DGKE: variants seen among roughly 807,000 people sequenced by gnomAD.
DGKE encodes DAG kinase epsilon.
In DGKE, 53 loss-of-function variants were observed where a neutral mutation model predicts 70.0. The ratio of observed to expected loss-of-function variants is 0.76; its 90% CI spans 0.61 to 0.95. The LOEUF (loss-of-function observed/expected upper bound fraction) is 0.95, where lower values mean the gene tolerates loss of function less well. DGKE is among the 40% of genes least tolerant of loss of function. The probability of loss-of-function intolerance (pLI) is 0.00; values close to 1 mark genes in which losing one functional copy is unlikely to be tolerated. For synonymous variants in DGKE, 291 were observed against 257.0 expected, an observed-to-expected ratio of 1.13 and a Z score of -1.27; for missense variants, 655 against 706.9, an observed-to-expected ratio of 0.93 and a Z score of 0.83.
chr17:56,834,646 A>T (rs1906446153), intron 1 of DGKE, 132 bp from the exon 2 acceptor site: 2 of 838,612 alleles, frequency 2.4e-6, no homozygotes, highest in Non-Finnish European at 3.7e-6. Flanking sequence ...CGGGGGGACG[A>T]GGCGCAGTCC....
chr17:56,866,901 T>C lies in DGKE; in HGVS notation c.*4110T>C, dbSNP rs1454449661. The C allele has an allele frequency of 1.3e-5, 2 of 152,266 alleles. No individual in the cohort carries two copies. The highest frequency in any genetic ancestry group is 4.8e-5 in the African/African-American group (2 of 41,478). The allele number at this position is 152,266 out of a possible 1,614,324, so 9.4% of individuals were successfully genotyped here. A position where few individuals can be genotyped will look rare whatever the true frequency, so the allele number is the denominator to read the frequency against. Reference sequence around the variant, plus strand: ...AATTGATTTTCTACTAATTTTTACATATTCAGAAACTTCGTGTTTTTTTGG... The same window carrying C: ...AATTGATTTTCTACTAATTTTTACACATTCAGAAACTTCGTGTTTTTTTGG... On this transcript the variant is annotated 3_prime_UTR_variant, in exon 12 of 12. Transcript: ENST00000284061.
chr17:56,849,301 G>A (rs1907507546), intron 7 of DGKE, 69 bp downstream of exon 7: 5 of 1,390,490 alleles, frequency 3.6e-6, no homozygotes, highest in Non-Finnish European at 4.0e-6. Context: ...CTCTGTGGTG[G>A]GATACAGAGA....
In DGKE at chr17:56,862,765, C is replaced by T. The variant is rs561594713; in HGVS notation, c.1678C>T (p.Gln560Ter). 1.3e-6 allele frequency: 2 copies of T among 1,585,522 alleles called. No homozygotes were observed. Among genetic ancestry groups the T allele is most frequent in the African/African-American group, 1.4e-5 (1 of 73,252 alleles). Residue 560 changes from glutamine (Q) to a stop codon, truncating the protein, a stop_gained, in exon 12 of 12, where the codon CAA becomes TAA. Transcript: ENST00000284061. LOFTEE classifies it high-confidence loss of function. ...TDDDISSTSDQEDIKATE is the reference protein window; with the variant it reads ...TDDDISSTSD ...TGATGACATCTCTAGTACTTCGGAT[C>T]AAGAAGATATAAAGGCGACTGAATA...
rs140318687 is a variant in DGKE, at chr17:56,852,224, C to A, written c.1098+2992C>A. 2.5e-3 allele frequency among the ~76,000 whole-genome samples: 376 copies of A among 152,112 alleles called. 2 individuals carry two copies. Among genetic ancestry groups the A allele is most frequent in the African/African-American group, 8.9e-3 (368 of 41,490 alleles). ...GGTCAGGTGTTCGAGACCAGTCTGGCCAACATGGTGAAACCCCATCTCTAA... is the reference window on the plus strand; with the variant it reads ...GGTCAGGTGTTCGAGACCAGTCTGGACAACATGGTGAAACCCCATCTCTAA... On this transcript the variant is annotated intron_variant, in intron 7 of 11. Transcript: ENST00000284061.
At chr17:56,849,154 C>T (rs1391169211) in intron 6 of DGKE, 27 bp from the exon 7 acceptor site, 3 of 1,592,648 alleles carry the variant, frequency 1.9e-6, no homozygotes, top group Non-Finnish European at 2.6e-6. Context: ...GTAAAACGTG[C>T]TGTTTTTTTT....
intron 2 of DGKE, among the ~76,000 whole-genome samples, chr17:56,843,673 C>A (rs921098591): frequency 2.6e-5 from 4 of 151,768 alleles, no homozygotes; most frequent in South Asian, 4.2e-4. Context: ...GTAGCACGAA[C>A]TTGTAATCCC....
chr17:56,853,154 A>T (rs895823906), intron 7 of DGKE, among the ~76,000 whole-genome samples: 4 of 152,128 alleles, frequency 2.6e-5, no homozygotes, highest in Non-Finnish European at 5.9e-5. Flanking sequence ...ATTGGTTGTT[A>T]TTGAGTAACT....
At chr17:56,861,101 A>G (rs974152434) in intron 9 of DGKE, among the ~76,000 whole-genome samples, 1 of 152,230 alleles carries the variant, frequency 6.6e-6, no homozygotes, top group Non-Finnish European at 1.5e-5. Flanking sequence ...AAGAGAGAGA[A>G]AGACATAGAA....
Position 56,835,149 on chromosome 17 carries a change from G to A in DGKE, c.354G>A (p.Lys118=), listed in dbSNP as rs772683069. The change falls in exon 2 of 12, where the codon AAG becomes AAA. Residue 118 remains lysine (K), a synonymous_variant. Transcript: ENST00000284061. ...CKEIMLKNDT[K]VLDAMPHHWI... ...AGATTATGCTCAAGAATGACACCAA[G>A]GTCCTGGACGCCATGCCCCACCACT... is the stretch of plus-strand genomic sequence containing the variant. 6 of 1,613,968 alleles carry A rather than the reference G, an allele frequency of 3.7e-6. No individual in the cohort carries two copies. Among genetic ancestry groups the A allele is most frequent in the Non-Finnish European group, 5.1e-6 (6 of 1,180,054 alleles).
intron 4 of DGKE, 181 bp downstream of exon 4, chr17:56,845,990 C>G (rs1248438844): frequency 4.1e-6 from 2 of 483,544 alleles, no homozygotes; most frequent in Non-Finnish European, 6.6e-6. Flanking sequence ...GGTACAACCT[C>G]TTTAGAAGAC....
At position 56,863,908 on chromosome 17, in the gene DGKE, A is replaced by G. The variant is rs970544405; in HGVS notation, c.*1117A>G. 3 of 152,236 alleles carry G rather than the reference A, an allele frequency of 2.0e-5. No homozygotes were observed. The highest frequency in any genetic ancestry group is 7.2e-5 in the African/African-American group (3 of 41,460). The allele number at this position is 152,236 out of a possible 1,614,324, so 9.4% of individuals were successfully genotyped here. ...TTAAATTGATCACATAAATTCTGCT[A>G]GTCACAATCAGATAGAAATTTAGTC... On this transcript the variant is annotated 3_prime_UTR_variant, in exon 12 of 12. Coordinates refer to ENST00000284061, the MANE Select transcript of DGKE (RefSeq NM_003647.3).
intron 2 of DGKE, chr17:56,838,697 A>T (rs1276906097): frequency 6.6e-6 from 1 of 152,118 alleles, no homozygotes; most frequent in African/African-American, 2.4e-5. Flanking sequence ...TTTTCTATAA[A>T]TACTACTGCA....
At chr17:56,840,845 A>C (rs985537371) in intron 2 of DGKE, among the ~76,000 whole-genome samples, 3 of 152,222 alleles carry the variant, frequency 2.0e-5, no homozygotes, top group African/African-American at 7.2e-5. Context: ...ACTTCAAAGC[A>C]TAACAGCATT....
At chr17:56,852,450 T>G (rs941737075) in intron 7 of DGKE, among the ~76,000 whole-genome samples, 10 of 152,000 alleles carry the variant, frequency 6.6e-5, no homozygotes, top group Non-Finnish European at 4.4e-5. Context: ...TCTGATTATG[T>G]TATTTAGAAA....
At position 56,834,955 on chromosome 17, in the gene DGKE, A is replaced by G. The variant is rs1906491454; in HGVS notation, c.160A>G (p.Ile54Val). The part of the protein sequence containing the change: ...RSRRQLHRRD[I>V]FRKSKHGWRD... ...GCGCCGGCAGCTGCACCGCAGGGAC[A>G]TCTTCCGCAAGAGCAAGCACGGGTG... The change falls in exon 2 of 12, where the codon ATC becomes GTC. Residue 54 changes from isoleucine to valine, a missense_variant. Transcript: ENST00000284061. The G allele has an allele frequency of 1.2e-6, 2 of 1,613,214 alleles. No homozygotes were observed. Among genetic ancestry groups the G allele is most frequent in the Non-Finnish European group, 1.7e-6 (2 of 1,179,962 alleles).
Position 56,862,839 on chromosome 17 carries a change from T to C in DGKE, c.*48T>C, listed in dbSNP as rs372684580. The C allele has an allele frequency of 2.9e-6, 4 of 1,394,440 alleles. No individual in the cohort carries two copies. Among genetic ancestry groups the C allele is most frequent in the African/African-American group, 3.0e-5 (2 of 67,388 alleles). The allele number at this position is 1,394,440 out of a possible 1,614,324, so 86.4% of individuals were successfully genotyped here. A position where few individuals can be genotyped will look rare whatever the true frequency, so the allele number is the denominator to read the frequency against. ...TGCATAGAATCCTCACGCAAGTAGA[T>C]ACATGTTCATCCAAAAGTATTAATA... On this transcript the variant is annotated 3_prime_UTR_variant, in exon 12 of 12. Transcript: ENST00000284061.
Position 56,834,937 on chromosome 17 carries a change from C to T in DGKE, c.142C>T (p.Gln48Ter), listed in dbSNP as rs773132460. Reference sequence around the variant, plus strand: ...GTGTAGCCTCCAGCGGTCGCGCCGGCAGCTGCACCGCAGGGACATCTTCCG... The same window carrying T: ...GTGTAGCCTCCAGCGGTCGCGCCGGTAGCTGCACCGCAGGGACATCTTCCG... The part of the protein sequence containing the change: ...FWCSLQRSRR[Q>*]LHRRDIFRKS... The change falls in exon 2 of 12, where the codon CAG becomes TAG. Residue 48 changes from glutamine (Q) to a stop codon, truncating the protein, a stop_gained. Coordinates refer to ENST00000284061, the MANE Select transcript of DGKE (RefSeq NM_003647.3). LOFTEE classifies it high-confidence loss of function. 1.9e-6 allele frequency: 3 copies of T among 1,613,394 alleles called. No homozygotes were observed. Among genetic ancestry groups the T allele is most frequent in the East Asian group, 2.2e-5 (1 of 44,854 alleles).
At position 56,856,538 on chromosome 17, in the gene DGKE, T is replaced by C. The variant is rs958230923; in HGVS notation, c.1125T>C (p.Ser375=). 1 of 1,613,624 alleles carries C rather than the reference T, an allele frequency of 6.2e-7. No homozygotes were observed. Among genetic ancestry groups the C allele is most frequent in the Non-Finnish European group, 8.5e-7 (1 of 1,179,882 alleles). ...PKEFTMNNYF[S]VGPDALMALN... ...AATTCACAATGAACAACTATTTTTC[T>C]GTTGGACCTGATGCTCTCATGGCTC... The change falls in exon 8 of 12, where the codon TCT becomes TCC. Residue 375 remains serine (S), a synonymous_variant. Transcript: ENST00000284061.
chr17:56,842,281 A>G (rs1567811969), intron 2 of DGKE, among the ~76,000 whole-genome samples: 1 of 152,166 alleles, frequency 6.6e-6, no homozygotes, highest in African/African-American at 2.4e-5. Flanking sequence ...TAAAATTTAT[A>G]CAAGTAGTTC....
Sources: allele counts gnomAD v4.1 joint callset (sites outside exome capture counted in the v4.1 genomes callset), GRCh38; gene constraint gnomAD v4.1.1; transcripts MANE v1.5; gene names NCBI Gene and HGNC (gene_info 2026-07-23, HGNC 2026-07-21).